TARS1: variants seen among roughly 807,000 people sequenced by gnomAD.
TARS1 encodes the protein threonyl-tRNA synthetase 1.
Under a neutral mutation model 97.7 loss-of-function variants are expected in TARS1, and 57 were observed. The observed-to-expected ratio is 0.58, with a 90% CI of 0.47 to 0.73. The LOEUF (loss-of-function observed/expected upper bound fraction) is 0.73, where lower values mean the gene tolerates loss of function less well. Ranked by LOEUF, TARS1 falls within the 30% of genes least tolerant of loss-of-function variation. The probability of loss-of-function intolerance (pLI) is 0.00; values close to 1 mark genes in which losing one functional copy is unlikely to be tolerated. For missense variants in TARS1, 806 were observed against 888.3 expected (o/e 0.91, Z 1.18); for synonymous variants, 312 against 293.7 (o/e 1.06, Z -0.64).
intron 16 of TARS1, among the ~76,000 whole-genome samples, chr5:33,463,058 T>G (rs1321311157): frequency 6.6e-6 from 1 of 152,264 alleles, no homozygotes; most frequent in Non-Finnish European, 1.5e-5. Context: ...ATTGCTCTGC[T>G]AAACCTGTTT....
rs1202738051 is a variant in TARS1 at position 33,448,732 on chromosome 5, G to A, written c.329+1G>A. The A allele has an allele frequency of 1.9e-6, 3 of 1,611,136 alleles. No individual in the cohort carries two copies. Among genetic ancestry groups the A allele is most frequent in the Non-Finnish European group, 2.5e-6 (3 of 1,178,618 alleles). ...CATATCAAATTGCCTGTGGAATTAGGTATAAGCTACACCCATCATGACCTT... is the reference window on the plus strand; with the variant it reads ...CATATCAAATTGCCTGTGGAATTAGATATAAGCTACACCCATCATGACCTT... On this transcript the variant is annotated splice_donor_variant, in intron 3 of 18. Coordinates refer to ENST00000265112, the MANE Select transcript of TARS1 (RefSeq NM_152295.5). LOFTEE classifies it high-confidence loss of function.
At chr5:33,467,037 C>T (rs747010755) in intron 18 of TARS1, 52 bp downstream of exon 18, 1 of 1,142,202 alleles carries the variant, frequency 8.8e-7, no homozygotes. Context: ...GGAAAATCTA[C>T]TGAAACCTTG....
chr5:33,461,147 T>A lies in TARS1; in HGVS notation c.1414-11T>A, dbSNP rs1742273748. 1 of 1,602,112 alleles carries A rather than the reference T, an allele frequency of 6.2e-7. No individual in the cohort carries two copies. The highest frequency in any genetic ancestry group is 1.1e-5 in the South Asian group (1 of 88,728). ...TAACTACTGTTTCTTTTTTTGTTTTTTAATTTGAAGATTGAAGATGAAATA... is the reference window on the plus strand; with the variant it reads ...TAACTACTGTTTCTTTTTTTGTTTTATAATTTGAAGATTGAAGATGAAATA... On this transcript the variant is annotated splice_polypyrimidine_tract_variant and intron_variant, in intron 12 of 18. Transcript: ENST00000265112.
chr5:33,456,816 A>G (rs1423398008), intron 8 of TARS1, among the ~76,000 whole-genome samples: 5 of 152,234 alleles, frequency 3.3e-5, no homozygotes, highest in African/African-American at 9.6e-5. Flanking sequence ...TGTTGCCCCA[A>G]AAAGACAGAG....
intron 3 of TARS1, among the ~76,000 whole-genome samples, chr5:33,449,314 TGTGTATATATATACGCGTATATATACAC>T (rs979183887): frequency 9.1e-5 from 13 of 143,096 alleles, no homozygotes; most frequent in Non-Finnish European, 1.4e-4. Flanking sequence ...AACATATATA[TGTGTATATATATACGCGTATATATACAC>T]GTGTATATAT....
chr5:33,446,665 G>A, intron 2 of TARS1: 3 of 1,289,192 alleles, frequency 2.3e-6, no homozygotes, highest in Non-Finnish European at 2.0e-6. Flanking sequence ...GAGGGTATCT[G>A]CTGAATGAAT....
At chr5:33,449,965 A>G (rs1167299562) in intron 3 of TARS1, among the ~76,000 whole-genome samples, 3 of 152,128 alleles carry the variant, frequency 2.0e-5, no homozygotes, top group East Asian at 3.9e-4. Context: ...CAGTGAATAT[A>G]TATATGTATG....
chr5:33,460,508 G>C (rs188197247), intron 11 of TARS1, among the ~76,000 whole-genome samples: 93 of 152,310 alleles, frequency 6.1e-4, no homozygotes, highest in African/African-American at 2.2e-3. Context: ...ACAGCTTAAG[G>C]GAAGACACAG....
In TARS1 at chr5:33,467,897, A is replaced by G. The variant is rs1742621459; in HGVS notation, c.*189A>G. The G allele has an allele frequency of 5.8e-6, 3 of 513,594 alleles. No homozygotes were observed. The highest frequency in any genetic ancestry group is 9.9e-6 in the Non-Finnish European group (3 of 302,868). The allele number at this position is 513,594 out of a possible 1,614,324, so 31.8% of individuals were successfully genotyped here. Reference sequence around the variant, plus strand: ...TAAACAATGTGCATTTGAAGGAGTTAATTAAAAGAGAGCCAATAAAATGAT... The same window carrying G: ...TAAACAATGTGCATTTGAAGGAGTTGATTAAAAGAGAGCCAATAAAATGAT... On this transcript the variant is annotated 3_prime_UTR_variant, in exon 19 of 19. Transcript: ENST00000265112.
At chr5:33,458,899 C>A (rs1045239506) in intron 10 of TARS1, among the ~76,000 whole-genome samples, 6 of 152,132 alleles carry the variant, frequency 3.9e-5, no homozygotes, top group African/African-American at 1.4e-4. Context: ...GAGCTCTGTG[C>A]CCTCTTTGAC....
At chr5:33,459,939 C>G in intron 11 of TARS1, 78 bp downstream of exon 11, 1 of 1,481,118 alleles carries the variant, frequency 6.8e-7, no homozygotes, top group Non-Finnish European at 9.1e-7. Context: ...CCTTTAACAA[C>G]ATTTTCATTA....
chr5:33,442,225 G>A (rs1268283349), intron 1 of TARS1, among the ~76,000 whole-genome samples: 2 of 151,894 alleles, frequency 1.3e-5, no homozygotes, highest in African/African-American at 4.8e-5. Context: ...ACTGCATACG[G>A]GCACATTCTA....
chr5:33,464,302 C>G (rs997097557), intron 17 of TARS1, among the ~76,000 whole-genome samples: 19 of 152,132 alleles, frequency 1.2e-4, no homozygotes, highest in African/African-American at 4.3e-4. Context: ...AATTCCCGTT[C>G]AAAATACAGT....
At chr5:33,445,505 T>A in intron 2 of TARS1, 101 bp downstream of exon 2, 2 of 982,526 alleles carry the variant, frequency 2.0e-6, no homozygotes, top group Non-Finnish European at 3.1e-6. Context: ...ATGGTTTACA[T>A]GGTAGTGTAA....
In TARS1 at chr5:33,467,785, C is replaced by T. The variant is rs16891192; in HGVS notation, c.*77C>T. On this transcript the variant is annotated 3_prime_UTR_variant, in exon 19 of 19. Coordinates refer to ENST00000265112, the MANE Select transcript of TARS1 (RefSeq NM_152295.5). ...TAAAATTGACTTTGTACTCTGAAAA[C>T]GTCAATTTATATTGAACTTGGAGGA... 0.022 allele frequency: 32,993 copies of T among 1,479,872 alleles called. 589 individuals are homozygous for T. The highest frequency in any genetic ancestry group is 0.079 in the South Asian group (5,886 of 74,456). 91.7% of individuals were successfully genotyped at this position (1,479,872 alleles called of 1,614,324 possible).
rs566392744 is a variant in TARS1 at position 33,453,292 on chromosome 5, A to G, written c.333A>G (p.Gln111=). Residue 111 remains glutamine, a synonymous_variant, in exon 4 of 19, where the codon CAA becomes CAG. Coordinates refer to ENST00000265112, the MANE Select transcript of TARS1 (RefSeq NM_152295.5). ...TTTTTTTTTTTTTTTTTTTAAGTCA[A>G]GGCCTGGCCGACAACACCGTTATTG... The part of the protein sequence containing the change: ...TPYQIACGIS[Q]GLADNTVIAK... 5.8e-6 allele frequency: 9 copies of G among 1,560,186 alleles called. No homozygotes were observed. The East Asian group carries it at 1.6e-4, about 28-fold the overall frequency.
chr5:33,462,223 T>C lies in TARS1; in HGVS notation c.1835+20T>C. The C allele has an allele frequency of 6.3e-7, 1 of 1,596,278 alleles. No individual in the cohort carries two copies. The highest frequency in any genetic ancestry group is 8.6e-7 in the Non-Finnish European group (1 of 1,167,436). ...CAAATGGTAATTTTTGTCACTGTCT[T>C]TTTTTTCTGATTAGTATAAATTGGC... On this transcript the variant is annotated intron_variant, in intron 16 of 18. Transcript: ENST00000265112.
intron 10 of TARS1, 114 bp from the exon 11 acceptor site, chr5:33,459,581 G>A: frequency 8.1e-7 from 1 of 1,239,914 alleles, no homozygotes; most frequent in Non-Finnish European, 1.1e-6. Context: ...TCTGAATCAT[G>A]GCATGTGTCC....
chr5:33,441,307 G>A, intron 1 of TARS1, 164 bp downstream of exon 1: 1 of 714,964 alleles, frequency 1.4e-6, no homozygotes, highest in Non-Finnish European at 2.4e-6. Context: ...ACCCCCTTTG[G>A]GAACCATCCA....
Sources: allele counts gnomAD v4.1 joint callset (sites outside exome capture counted in the v4.1 genomes callset), GRCh38; gene constraint gnomAD v4.1.1; transcripts MANE v1.5; gene names NCBI Gene and HGNC (gene_info 2026-07-23, HGNC 2026-07-21).